Variants in PDE4B observed in about 807,000 individuals in gnomAD.
The protein encoded by PDE4B is 3',5'-cyclic-AMP phosphodiesterase 4B.
In PDE4B, 20 loss-of-function variants were observed where a neutral mutation model predicts 82.2. That is an observed-to-expected ratio of 0.24 (90% CI 0.17 to 0.35). The LOEUF is 0.35. Among genes scored for constraint, PDE4B ranks in the 10% least tolerant of loss-of-function variants. PDE4B has a pLI of 1.00. For missense variants in PDE4B, 655 were observed against 907.2 expected (o/e 0.72, Z 3.57); for synonymous variants, 320 against 318.9 (o/e 1.00, Z -0.04).
intron 3 of PDE4B, among the ~76,000 whole-genome samples, chr1:65,999,109 C>T (rs921932695): frequency 1.3e-5 from 2 of 152,106 alleles, no homozygotes; most frequent in African/African-American, 4.8e-5. Context: ...GGACACATGC[C>T]GGAAGGTGGC....
chr1:66,086,240 A>G (rs377533461), intron 3 of PDE4B, among the ~76,000 whole-genome samples: 1 of 152,150 alleles, frequency 6.6e-6, no homozygotes, highest in East Asian at 1.9e-4. Context: ...ACCAATTGCA[A>G]TATGTGAGTG....
At chr1:66,214,493 A>C (rs1650302880) in intron 3 of PDE4B, among the ~76,000 whole-genome samples, 1 of 152,174 alleles carries the variant, frequency 6.6e-6, no homozygotes, top group Non-Finnish European at 1.5e-5. Flanking sequence ...ATATTATTGC[A>C]TCAATTCTAT....
intron 2 of PDE4B, among the ~76,000 whole-genome samples, chr1:65,917,301 A>G (rs1338457198): frequency 2.0e-5 from 3 of 152,206 alleles, no homozygotes; most frequent in Non-Finnish European, 4.4e-5. Context: ...AACTTTGTTT[A>G]AACTTTAGGA....
intron 1 of PDE4B, among the ~76,000 whole-genome samples, chr1:65,860,551 G>C (rs1175838800): frequency 1.3e-5 from 2 of 152,082 alleles, no homozygotes; most frequent in African/African-American, 2.4e-5. Context: ...TAATCCTTTG[G>C]GTATATACCC....
chr1:66,295,981 C>A (rs1657482614), intron 7 of PDE4B, among the ~76,000 whole-genome samples: 1 of 152,140 alleles, frequency 6.6e-6, no homozygotes, highest in Non-Finnish European at 1.5e-5. Flanking sequence ...GTGTCGCCCT[C>A]TCTGCTCAGT....
intron 3 of PDE4B, among the ~76,000 whole-genome samples, chr1:65,948,191 A>C (rs1181740257): frequency 6.6e-6 from 1 of 151,590 alleles, no homozygotes; most frequent in Non-Finnish European, 1.5e-5. Context: ...AATTGTGCAA[A>C]GGCCCACCCG....
intron 1 of PDE4B, among the ~76,000 whole-genome samples, chr1:65,910,934 C>T (rs1647082898): frequency 1.3e-5 from 2 of 151,148 alleles, no homozygotes; most frequent in South Asian, 2.1e-4. Flanking sequence ...ATATTTCTTG[C>T]TTTTTTTTTG....
intron 7 of PDE4B, among the ~76,000 whole-genome samples, chr1:66,282,507 C>T (rs1312941435): frequency 6.6e-6 from 1 of 152,294 alleles, no homozygotes; most frequent in Admixed American, 6.5e-5. Context: ...CTTGCTTGAA[C>T]ACAAGGAGGC....
At chr1:66,212,690 A>C (rs1650158271) in intron 3 of PDE4B, among the ~76,000 whole-genome samples, 1 of 152,298 alleles carries the variant, frequency 6.6e-6, no homozygotes, top group African/African-American at 2.4e-5. Flanking sequence ...ATCCTGGCCC[A>C]TACTGGACTC....
chr1:65,930,763 T>C (rs571715863), intron 3 of PDE4B, among the ~76,000 whole-genome samples: 1 of 152,234 alleles, frequency 6.6e-6, no homozygotes. Flanking sequence ...TACAGGCTCA[T>C]AGGCAGAAGG....
rs901061664 is a variant in PDE4B at position 66,105,693 on chromosome 1, G to T, written c.282-141767G>T. On this transcript the variant is annotated intron_variant, in intron 3 of 16. Coordinates refer to ENST00000341517, the MANE Select transcript of PDE4B (RefSeq NM_002600.4). ...TTGGATTCCTAGGTATTTTATTCTCGTTGAAGCAATTGTGAATGGGAGTTC... is the reference window on the plus strand; with the variant it reads ...TTGGATTCCTAGGTATTTTATTCTCTTTGAAGCAATTGTGAATGGGAGTTC... Among the ~76,000 whole-genome samples the T allele has an allele frequency of 1.4e-4, 21 of 152,024 alleles. 1 individual carries two copies. Among genetic ancestry groups the T allele is most frequent in the South Asian group, 4.1e-4 (2 of 4,826 alleles).
intron 1 of PDE4B, among the ~76,000 whole-genome samples, chr1:65,838,601 CTATA>C (rs1262771798): frequency 6.8e-6 from 1 of 146,580 alleles, no homozygotes; most frequent in Non-Finnish European, 1.5e-5. Flanking sequence ...GTATATGTAT[CTATA>C]TGTATATGTG....
chr1:65,822,085 A>G (rs775390203), intron 1 of PDE4B, among the ~76,000 whole-genome samples: 1 of 152,072 alleles, frequency 6.6e-6, no homozygotes, highest in Non-Finnish European at 1.5e-5. Context: ...CCTTATAGGT[A>G]TGTGTCTTCC....
intron 3 of PDE4B, among the ~76,000 whole-genome samples, chr1:65,945,504 G>A (rs1405250057): frequency 6.6e-6 from 1 of 151,988 alleles, no homozygotes; most frequent in Non-Finnish European, 1.5e-5. Context: ...CTGGGTGAAA[G>A]GGTCCTTATG....
At chr1:65,795,531 G>C (rs1350925755) in intron 1 of PDE4B, among the ~76,000 whole-genome samples, 4 of 152,214 alleles carry the variant, frequency 2.6e-5, no homozygotes, top group Non-Finnish European at 4.4e-5. Context: ...CCCAGCTTCT[G>C]GGAGTGTGGT....
At chr1:66,185,188 G>A (rs4655601) in intron 3 of PDE4B, among the ~76,000 whole-genome samples, 28,714 of 152,150 alleles carry the variant, frequency 0.19, 2,835 homozygotes, top group Non-Finnish European at 0.22. Context: ...TTTTATGGCT[G>A]CGTAGTATTA....
rs1557557970 is a variant in PDE4B, at chr1:66,096,525, T to TATATA, written c.282-150934_282-150930dup. On this transcript the variant is annotated intron_variant, in intron 3 of 16. Transcript: ENST00000341517. ...AAAAAAAATTATATATATATATATA[T>TATATA]ATATATATATATATATACTGCATTT... is the stretch of plus-strand genomic sequence containing the variant. Among the ~76,000 whole-genome samples the TATATA allele has an allele frequency of 2.0e-4, 29 of 142,480 alleles. 1 individual carries two copies. Among genetic ancestry groups the TATATA allele is most frequent in the African/African-American group, 7.1e-4 (28 of 39,548 alleles). The allele number at this position is 142,480 out of a possible 152,430, so 93.5% of individuals were successfully genotyped here. A position where few individuals can be genotyped will look rare whatever the true frequency, so the allele number is the denominator to read the frequency against.
intron 3 of PDE4B, among the ~76,000 whole-genome samples, chr1:66,184,980 C>T (rs575947104): frequency 7.9e-5 from 12 of 151,968 alleles, no homozygotes; most frequent in Non-Finnish European, 1.6e-4. Flanking sequence ...CTAATGCTAT[C>T]CCTCCCCCCT....
intron 3 of PDE4B, among the ~76,000 whole-genome samples, chr1:66,117,625 T>A (rs1279338826): frequency 1.4e-4 from 21 of 152,108 alleles, no homozygotes; most frequent in Admixed American, 1.4e-3. Context: ...ATACCCAGCA[T>A]ATAGCTTTAT....
Sources: allele counts gnomAD v4.1 joint callset (sites outside exome capture counted in the v4.1 genomes callset), GRCh38; gene constraint gnomAD v4.1.1; transcripts MANE v1.5; gene names NCBI Gene and HGNC (gene_info 2026-07-23, HGNC 2026-07-21).